Variants in KLHL5 observed in about 807,000 individuals in gnomAD.
KLHL5 encodes the protein kelch-like protein 5.
KLHL5 carries 48 observed loss-of-function variants against 77.7 expected under a neutral mutation model. The observed-to-expected ratio is 0.62, with a 90% CI of 0.49 to 0.79. The LOEUF (loss-of-function observed/expected upper bound fraction) is 0.79. Among genes scored for constraint, KLHL5 ranks in the 30% least tolerant of loss-of-function variants. KLHL5 has a pLI of 0.00. For missense variants in KLHL5, 723 were observed against 859.7 expected (o/e 0.84, Z 1.99); for synonymous variants, 260 against 297.0 (o/e 0.88, Z 1.28).
At chr4:39,127,075 C>T (rs1723582341), downstream of KLHL5, among the ~76,000 whole-genome samples, 1 of 152,142 alleles carries the variant, frequency 6.6e-6, no homozygotes, top group African/African-American at 2.4e-5. Flanking sequence ...AGAACTCACA[C>T]CTGCAATCCC....
intron 2 of KLHL5, among the ~76,000 whole-genome samples, chr4:39,077,178 G>T (rs1018899656): frequency 3.9e-5 from 6 of 152,014 alleles, no homozygotes; most frequent in African/African-American, 7.2e-5. Flanking sequence ...AACATATTTG[G>T]CCGGGCGCGG....
chr4:39,056,754 C>T (rs1717035868), intron 1 of KLHL5, among the ~76,000 whole-genome samples: 1 of 152,174 alleles, frequency 6.6e-6, no homozygotes, highest in Non-Finnish European at 1.5e-5. Context: ...CTCACTCAAT[C>T]CTCCTGAAAC....
chr4:39,045,278 G>A (rs113523823), intron 1 of KLHL5, among the ~76,000 whole-genome samples: 4,734 of 150,392 alleles, frequency 0.031, 231 homozygotes, highest in African/African-American at 0.11. Context: ...CCGGGCGGGG[G>A]CCTCCGCACA....
intron 8 of KLHL5, among the ~76,000 whole-genome samples, chr4:39,109,343 T>C (rs1722276191): frequency 6.6e-6 from 1 of 152,212 alleles, no homozygotes; most frequent in Admixed American, 6.5e-5. Context: ...TCGCCCAGGC[T>C]GGAGTGCAGT....
chr4:39,097,797 T>C (rs1302197505), intron 6 of KLHL5, among the ~76,000 whole-genome samples: 1 of 152,124 alleles, frequency 6.6e-6, no homozygotes, highest in Non-Finnish European at 1.5e-5. Flanking sequence ...AATGATAAAA[T>C]CCAAACAAGG....
upstream of KLHL5, among the ~76,000 whole-genome samples, chr4:39,059,302 G>GA (rs916311425): frequency 1.0e-4 from 15 of 148,980 alleles, no homozygotes; most frequent in East Asian, 2.0e-4. Context: ...TAACTTAATA[G>GA]AAAAAAAAAG....
chr4:39,141,989 A>AACCAAAAT, the KLHL5 span, among the ~76,000 whole-genome samples: 1 of 152,184 alleles, frequency 6.6e-6, no homozygotes, highest in Non-Finnish European at 1.5e-5. Context: ...AGTACCCTAT[A>AACCAAAAT]AACAATTATT....
At chr4:39,095,088 T>C (rs1296952253) in intron 5 of KLHL5, among the ~76,000 whole-genome samples, 2 of 151,962 alleles carry the variant, frequency 1.3e-5, no homozygotes, top group Non-Finnish European at 2.9e-5. Context: ...AAAAATACAA[T>C]TGAAAAATAA....
downstream of KLHL5, among the ~76,000 whole-genome samples, chr4:39,130,114 A>T (rs766801218): frequency 2.6e-4 from 39 of 152,244 alleles, no homozygotes; most frequent in South Asian, 2.1e-4. Context: ...ACGCAGAAAT[A>T]TAGAGGTGTG....
the KLHL5 span, among the ~76,000 whole-genome samples, chr4:39,133,010 A>ATATAATGAG: frequency 9.8e-5 from 15 of 152,294 alleles, no homozygotes; most frequent in African/African-American, 3.6e-4. Context: ...AATCAAAACC[A>ATATAATGAG]CAGTCCATCC....
intron 1 of KLHL5, among the ~76,000 whole-genome samples, chr4:39,071,421 T>C (rs1283725720): frequency 2.0e-5 from 3 of 152,192 alleles, no homozygotes; most frequent in Admixed American, 1.3e-4. Flanking sequence ...AATTACTCCA[T>C]TAAGAAATTC....
Position 39,121,236 on chromosome 4 carries a change from C to A in KLHL5, c.*170C>A. 1 of 615,116 alleles carries A rather than the reference C, an allele frequency of 1.6e-6. No homozygotes were observed. The highest frequency in any genetic ancestry group is 2.9e-6 in the Non-Finnish European group (1 of 347,816). 38.1% of individuals were successfully genotyped at this position (615,116 alleles called of 1,614,324 possible). On this transcript the variant is annotated 3_prime_UTR_variant, in exon 11 of 11. Transcript: ENST00000504108. ...ACAAGGGAGGAAGCAGTGGATGGAC[C>A]AGGATTAATTCCTTTCATTTCTTAG...
chr4:39,132,986 A>T, the KLHL5 span, among the ~76,000 whole-genome samples: 38 of 152,206 alleles, frequency 2.5e-4, no homozygotes, highest in Admixed American at 7.9e-4. Flanking sequence ...GTTAAATGAT[A>T]GTCTAGTCGC....
At chr4:39,112,418 G>A (rs1722511194) in intron 8 of KLHL5, among the ~76,000 whole-genome samples, 1 of 152,102 alleles carries the variant, frequency 6.6e-6, no homozygotes. Context: ...ACATGACTGT[G>A]TTGACTGTCC....
At chr4:39,126,583 C>T (rs1048718101), downstream of KLHL5, 12 of 372,892 alleles carry the variant, frequency 3.2e-5, no homozygotes, top group South Asian at 2.1e-4. Flanking sequence ...AGAAAGCAAA[C>T]CCAGGGAAGC....
intron 6 of KLHL5, among the ~76,000 whole-genome samples, chr4:39,098,643 A>G (rs1721281156): frequency 1.3e-5 from 2 of 150,872 alleles, no homozygotes; most frequent in Non-Finnish European, 3.0e-5. Context: ...GGCTCACTGC[A>G]AGCTCCGCCT....
chr4:39,058,934 G>C (rs1188740411), upstream of KLHL5, among the ~76,000 whole-genome samples: 2 of 152,012 alleles, frequency 1.3e-5, no homozygotes, highest in Non-Finnish European at 2.9e-5. Context: ...TATGCCAAGT[G>C]GTGGTAACTG....
intron 6 of KLHL5, among the ~76,000 whole-genome samples, chr4:39,097,914 T>C (rs1721207937): frequency 6.6e-6 from 1 of 151,992 alleles, no homozygotes; most frequent in Non-Finnish European, 1.5e-5. Flanking sequence ...GTGGATTGCT[T>C]AAGGTCAGGA....
chr4:39,066,487 A>T (rs925032141), intron 1 of KLHL5, among the ~76,000 whole-genome samples: 1 of 152,090 alleles, frequency 6.6e-6, no homozygotes, highest in Non-Finnish European at 1.5e-5. Flanking sequence ...GCACTTTACA[A>T]GTACAGATGC....
Sources: gnomAD v4.1 joint callset for allele counts (sites outside exome capture counted in the v4.1 genomes callset) on GRCh38, gnomAD v4.1.1 for gene constraint, MANE v1.5 for transcripts, NCBI Gene and HGNC (gene_info 2026-07-23, HGNC 2026-07-21) for gene names.